Variants in CLDN10 observed in about 807,000 individuals in gnomAD.
CLDN10 encodes claudin-10.
Under a neutral mutation model 22.9 loss-of-function variants are expected in CLDN10, and 15 were observed. That is an observed-to-expected ratio of 0.65 (90% CI 0.44 to 1.01). The LOEUF (loss-of-function observed/expected upper bound fraction) is 1.01, where lower values mean the gene tolerates loss of function less well. Ranked by LOEUF, CLDN10 falls within the 50% of genes least tolerant of loss-of-function variation. The pLI, the probability that CLDN10 is intolerant of heterozygous loss-of-function variation, is 0.00. For missense variants in CLDN10, 247 were observed against 287.8 expected (o/e 0.86, Z 1.03); for synonymous variants, 114 against 111.4 (o/e 1.02, Z -0.15).
chr13:95,548,361 C>T (rs1270300501), upstream of CLDN10, among the ~76,000 whole-genome samples: 1 of 152,130 alleles, frequency 6.6e-6, no homozygotes, highest in Non-Finnish European at 1.5e-5. Context: ...GCATGAAAAA[C>T]AAATCCACAA....
At chr13:95,456,314 C>G (rs1027624831) in intron 1 of CLDN10, among the ~76,000 whole-genome samples, 1 of 152,172 alleles carries the variant, frequency 6.6e-6, no homozygotes, top group African/African-American at 2.4e-5. Flanking sequence ...TTACCTATTC[C>G]TTGTCTGTTC....
intron 1 of CLDN10, among the ~76,000 whole-genome samples, chr13:95,482,501 C>T (rs1409828188): frequency 6.6e-6 from 1 of 152,064 alleles, no homozygotes; most frequent in Non-Finnish European, 1.5e-5. Context: ...CTTCTAGGTG[C>T]CCATCAAATC....
At chr13:95,487,956 G>T (rs539161499) in intron 1 of CLDN10, among the ~76,000 whole-genome samples, 2 of 151,142 alleles carry the variant, frequency 1.3e-5, no homozygotes, top group South Asian at 4.2e-4. Context: ...AGGATTACAG[G>T]CATGAGCCAC....
chr13:95,499,955 T>C lies in CLDN10; in HGVS notation c.215-60177T>C, dbSNP rs147174346. ...AAAATACCACAAGAAAATTTCATAA[T>C]GTTTTAAGGAAGTTTACAAATTTGT... On this transcript the variant is annotated intron_variant, in intron 1 of 4. Coordinates refer to the CLDN10 transcript ENST00000376873. Among the ~76,000 whole-genome samples, 925 of 152,276 alleles carry C rather than the reference T, an allele frequency of 6.1e-3. 12 individuals are homozygous for C. The highest frequency in any genetic ancestry group is 0.021 in the African/African-American group (892 of 41,558).
chr13:95,550,536 T>C (rs1356444345), upstream of CLDN10, among the ~76,000 whole-genome samples: 3 of 152,234 alleles, frequency 2.0e-5, no homozygotes, highest in Admixed American at 6.5e-5. Context: ...AAATAAAGTA[T>C]TAAATTTGTG....
intron 1 of CLDN10, among the ~76,000 whole-genome samples, chr13:95,451,422 G>A (rs1227729578): frequency 2.0e-5 from 3 of 152,040 alleles, no homozygotes; most frequent in African/African-American, 7.2e-5. Context: ...GGTCTCCCTG[G>A]CACTTGGTAC....
intron 1 of CLDN10, among the ~76,000 whole-genome samples, chr13:95,464,969 C>T (rs182150653): frequency 2.6e-5 from 4 of 152,250 alleles, no homozygotes; most frequent in East Asian, 1.9e-4. Flanking sequence ...TCAAGTCATC[C>T]GCCTACCTTG....
chr13:95,437,079 A>G (rs1283917680), intron 1 of CLDN10, among the ~76,000 whole-genome samples: 2 of 152,128 alleles, frequency 1.3e-5, no homozygotes, highest in Non-Finnish European at 2.9e-5. Flanking sequence ...CTGATTATAT[A>G]ACTTCATTGC....
chr13:95,486,729 T>C (rs1250836349), intron 1 of CLDN10, among the ~76,000 whole-genome samples: 13 of 152,122 alleles, frequency 8.5e-5, no homozygotes. Flanking sequence ...AGATTTTTCT[T>C]TTTCCATCCT....
At chr13:95,518,575 G>A (rs2043193279) in intron 1 of CLDN10, among the ~76,000 whole-genome samples, 1 of 152,206 alleles carries the variant, frequency 6.6e-6, no homozygotes, top group African/African-American at 2.4e-5. Context: ...GGCCAACATG[G>A]TGAAACCCCA....
rs113550361 is a variant in CLDN10 at position 95,443,619 on chromosome 13, A to C, written c.214+9572A>C. ...ATAAGCCAGGCTGGGAAAACTAAGC[A>C]GGTTTAGGATTGGCTCATTTTAATA... is the stretch of plus-strand genomic sequence containing the variant. On this transcript the variant is annotated intron_variant, in intron 1 of 4. Transcript: ENST00000376873. 2.6e-3 allele frequency among the ~76,000 whole-genome samples: 389 copies of C among 152,310 alleles called. 1 individual carries two copies. The Middle Eastern group carries it at 0.031, about 12-fold the overall frequency.
rs374878093 is a variant in CLDN10, at chr13:95,534,300, C to T, written c.215-25832C>T. 2.6e-5 allele frequency among the ~76,000 whole-genome samples: 4 copies of T among 151,932 alleles called. No homozygotes were observed. In the East Asian group the frequency reaches 5.8e-4, roughly 22 times the overall value. ...AAGAAGAAGAAAACATGGTTATAAC[C>T]ATATGAAGCTACTGCCAGGACGATA... On this transcript the variant is annotated intron_variant, in intron 1 of 4. Coordinates refer to the CLDN10 transcript ENST00000376873.
In CLDN10 at chr13:95,574,998, CT is replaced by C. The variant is rs147760676; in HGVS notation, c.465-2232del. Among the ~76,000 whole-genome samples the C allele has an allele frequency of 8.2e-3, 1,243 of 152,174 alleles. 17 individuals are homozygous for C. The highest frequency in any genetic ancestry group is 0.028 in the African/African-American group (1,173 of 41,506). The stretch of plus-strand genomic sequence containing the variant: ...TTGTGCCAAGCTATGCTTATGATTT[CT>C]ATCATCTTCATCCCCCAACTGGCCA... On this transcript the variant is annotated intron_variant, in intron 3 of 4. Transcript: ENST00000299339.
chr13:95,443,722 T>A (rs138358298), intron 1 of CLDN10, among the ~76,000 whole-genome samples: 1 of 152,296 alleles, frequency 6.6e-6, no homozygotes, highest in East Asian at 1.9e-4. Flanking sequence ...GGGAAATATC[T>A]GCTTAATGGG....
At chr13:95,538,094 C>A (rs1173079008) in intron 1 of CLDN10, among the ~76,000 whole-genome samples, 1 of 149,250 alleles carries the variant, frequency 6.7e-6, no homozygotes, top group Non-Finnish European at 1.5e-5. Flanking sequence ...AAGAGCCAAG[C>A]ATTATTTCCA....
intron 1 of CLDN10, among the ~76,000 whole-genome samples, chr13:95,527,987 A>G (rs1378418395): frequency 6.6e-6 from 1 of 152,120 alleles, no homozygotes; most frequent in African/African-American, 2.4e-5. Context: ...TGATTCTAGG[A>G]TCTGTGCTGT....
At chr13:95,476,178 G>C (rs886113119) in intron 1 of CLDN10, among the ~76,000 whole-genome samples, 4 of 152,144 alleles carry the variant, frequency 2.6e-5, no homozygotes, top group Non-Finnish European at 4.4e-5. Flanking sequence ...ATGGATTGTC[G>C]GCATTTGGTT....
intron 3 of CLDN10, among the ~76,000 whole-genome samples, chr13:95,572,245 T>G (rs2043872832): frequency 6.6e-6 from 1 of 152,166 alleles, no homozygotes; most frequent in Admixed American, 6.5e-5. Context: ...ACTCCGATCT[T>G]TCTGAAATGA....
intron 1 of CLDN10, among the ~76,000 whole-genome samples, chr13:95,476,460 T>C (rs2042686894): frequency 6.6e-6 from 1 of 152,132 alleles, no homozygotes. Context: ...ATAAGGGCAC[T>C]AATCCCATTA....
Sources: gnomAD v4.1 joint callset for allele counts (sites outside exome capture counted in the v4.1 genomes callset) on GRCh38, gnomAD v4.1.1 for gene constraint, MANE v1.5 for transcripts, NCBI Gene and HGNC (gene_info 2026-07-23, HGNC 2026-07-21) for gene names.